Variants in ZNF804A observed in about 807,000 individuals in gnomAD.
ZNF804A encodes zinc finger protein 804A.
In ZNF804A, 2 loss-of-function variants were observed where a neutral mutation model predicts 16.5. The observed-to-expected ratio is 0.12, with a 90% CI of 0.05 to 0.38. The LOEUF is 0.38. Among genes scored for constraint, ZNF804A ranks in the 10% least tolerant of loss-of-function variants. ZNF804A has a pLI of 0.99. For synonymous variants in ZNF804A, 534 were observed against 489.6 expected, an observed-to-expected ratio of 1.09 and a Z score of -1.20; for missense variants, 1,473 against 1,390.7, an observed-to-expected ratio of 1.06 and a Z score of -0.94.
At chr2:184,814,272 C>T (rs955389097) in intron 1 of ZNF804A, among the ~76,000 whole-genome samples, 2 of 151,858 alleles carry the variant, frequency 1.3e-5, no homozygotes, top group African/African-American at 4.8e-5. Flanking sequence ...TTGAAAAGTA[C>T]AAAACTAATA....
At chr2:184,887,953 A>C (rs1271795571) in intron 2 of ZNF804A, among the ~76,000 whole-genome samples, 1 of 152,188 alleles carries the variant, frequency 6.6e-6, no homozygotes, top group African/African-American at 2.4e-5. Flanking sequence ...GGGAAAAAAC[A>C]GACACCAGGG....
chr2:184,769,162 C>T (rs1694174590), intron 1 of ZNF804A, among the ~76,000 whole-genome samples: 1 of 152,010 alleles, frequency 6.6e-6, no homozygotes, highest in Non-Finnish European at 1.5e-5. Flanking sequence ...TGCTAAGTGC[C>T]TCTGGAGAAT....
intron 1 of ZNF804A, among the ~76,000 whole-genome samples, chr2:184,628,081 G>A (rs776717574): frequency 3.9e-5 from 6 of 152,252 alleles, no homozygotes; most frequent in Non-Finnish European, 7.4e-5. Flanking sequence ...TTGGGAGGCC[G>A]AGGCGGGCGG....
chr2:184,893,288 T>C (rs1685015453), intron 2 of ZNF804A, among the ~76,000 whole-genome samples: 1 of 152,066 alleles, frequency 6.6e-6, no homozygotes, highest in African/African-American at 2.4e-5. Context: ...GTATGAGTCC[T>C]AACCAACTTA....
At chr2:184,723,339 T>A (rs2105743532) in intron 1 of ZNF804A, among the ~76,000 whole-genome samples, 1 of 151,970 alleles carries the variant, frequency 6.6e-6, no homozygotes, top group Non-Finnish European at 1.5e-5. Context: ...AAGAATTTTC[T>A]CCAGTTGGAA....
intron 2 of ZNF804A, chr2:184,902,291 T>G (rs1685198223): frequency 6.4e-6 from 1 of 157,368 alleles, no homozygotes; most frequent in African/African-American, 2.4e-5. Context: ...TGAGCACAAC[T>G]GTGTTGTTAG....
rs780210500 is a variant in ZNF804A, at chr2:184,936,194, T to C, written c.798T>C (p.Asp266=). The change falls in exon 4 of 4, where the codon GAT becomes GAC. Residue 266 remains aspartate, a synonymous_variant. Transcript: ENST00000302277. ...ACHLQQSSPT[D]VLLSSEEKTN... ...ATCTTCAACAATCTTCACCAACAGA[T>C]GTGCTTTTGAGTTCTGAGGAGAAAA... 1.9e-6 allele frequency: 3 copies of C among 1,614,028 alleles called. No homozygotes were observed. Among genetic ancestry groups the C allele is most frequent in the Non-Finnish European group, 2.5e-6 (3 of 1,179,932 alleles).
At chr2:184,760,824 C>T (rs981510377) in intron 1 of ZNF804A, among the ~76,000 whole-genome samples, 3 of 152,086 alleles carry the variant, frequency 2.0e-5, no homozygotes, top group Non-Finnish European at 2.9e-5. Flanking sequence ...TCCCACAATA[C>T]GTTATTGGTT....
intron 1 of ZNF804A, among the ~76,000 whole-genome samples, chr2:184,780,879 G>T (rs768858919): frequency 1.3e-5 from 2 of 151,710 alleles, no homozygotes; most frequent in Non-Finnish European, 2.9e-5. Context: ...CTATCAATTA[G>T]TTATTTACTC....
At chr2:184,637,022 TA>T (rs1425302013) in intron 1 of ZNF804A, among the ~76,000 whole-genome samples, 2 of 152,184 alleles carry the variant, frequency 1.3e-5, no homozygotes, top group African/African-American at 4.8e-5. Context: ...AGAAGATTTT[TA>T]AATTGCTTTC....
In ZNF804A at chr2:184,612,385, A is replaced by G. The variant is rs532583921; in HGVS notation, c.111+13315A>G. 2.6e-5 allele frequency among the ~76,000 whole-genome samples: 4 copies of G among 151,890 alleles called. No individual in the cohort carries two copies. The South Asian group carries it at 6.2e-4, about 24-fold the overall frequency. ...TGTTTAAAATTATACAAACTTTTCT[A>G]TTTGTATTACCAATCACTGGGAAAT... On this transcript the variant is annotated intron_variant, in intron 1 of 3. Transcript: ENST00000302277.
At chr2:184,773,757 T>G (rs1694250794) in intron 1 of ZNF804A, among the ~76,000 whole-genome samples, 1 of 151,834 alleles carries the variant, frequency 6.6e-6, no homozygotes. Flanking sequence ...AAAGAAAGAA[T>G]TCATGTAATG....
chr2:184,752,103 C>T (rs1444782580), intron 1 of ZNF804A, among the ~76,000 whole-genome samples: 1 of 151,410 alleles, frequency 6.6e-6, no homozygotes, highest in Admixed American at 6.6e-5. Flanking sequence ...TAGAAATATC[C>T]TTCAACCCAG....
At chr2:184,728,168 G>A (rs959515589) in intron 1 of ZNF804A, among the ~76,000 whole-genome samples, 6 of 151,634 alleles carry the variant, frequency 4.0e-5, no homozygotes, top group African/African-American at 1.2e-4. Context: ...AAAAAGGAAA[G>A]ACATAATGCA....
chr2:184,870,785 T>C (rs1290444325), intron 2 of ZNF804A, among the ~76,000 whole-genome samples: 1 of 152,106 alleles, frequency 6.6e-6, no homozygotes, highest in African/African-American at 2.4e-5. Flanking sequence ...GATAAAACTA[T>C]TTGTAAGGAG....
At chr2:184,733,527 G>A (rs561502666) in intron 1 of ZNF804A, among the ~76,000 whole-genome samples, 1 of 152,106 alleles carries the variant, frequency 6.6e-6, no homozygotes, top group South Asian at 2.1e-4. Context: ...AAAAATGCTG[G>A]CCTCATGGAA....
At chr2:184,916,640 G>C (rs906297753) in intron 2 of ZNF804A, among the ~76,000 whole-genome samples, 1 of 152,142 alleles carries the variant, frequency 6.6e-6, no homozygotes, top group Non-Finnish European at 1.5e-5. Context: ...ATGAGGTCAA[G>C]AGATGGAGAC....
intron 1 of ZNF804A, among the ~76,000 whole-genome samples, chr2:184,820,111 C>A (rs907204307): frequency 7.2e-5 from 11 of 151,878 alleles, no homozygotes; most frequent in Non-Finnish European, 1.0e-4. Context: ...AGATATACAA[C>A]AAACAAAGGA....
chr2:184,916,946 T>G (rs771687841), intron 2 of ZNF804A, among the ~76,000 whole-genome samples: 3 of 152,192 alleles, frequency 2.0e-5, no homozygotes, highest in African/African-American at 4.8e-5. Flanking sequence ...GTGATGCTAT[T>G]AAGGACTAGG....
Sources: gnomAD v4.1 joint callset for allele counts (sites outside exome capture counted in the v4.1 genomes callset) on GRCh38, gnomAD v4.1.1 for gene constraint, MANE v1.5 for transcripts, NCBI Gene and HGNC (gene_info 2026-07-23, HGNC 2026-07-21) for gene names.